RAB38: variants seen among roughly 807,000 people sequenced by gnomAD.
RAB38 encodes the protein RAB38, member RAS oncogene family, also known as ras-related protein Rab-38.
Under a neutral mutation model 18.4 loss-of-function variants are expected in RAB38, and 15 were observed. The ratio of observed to expected loss-of-function variants is 0.82; its 90% CI spans 0.55 to 1.26. RAB38 has a LOEUF of 1.26. Ranked by LOEUF, RAB38 falls within the 50% of genes most tolerant of loss-of-function variation. The pLI is 0.00. For missense variants in RAB38, 294 were observed against 267.4 expected (o/e 1.10, Z -0.69); for synonymous variants, 101 against 104.4 (o/e 0.97, Z 0.20).
At chr11:87,949,899 A>G in the RAB38 span, among the ~76,000 whole-genome samples, 52 of 152,290 alleles carry the variant, frequency 3.4e-4, no homozygotes, top group Admixed American at 3.0e-3. Context: ...GTAGATGTCT[A>G]TTAGGTCTGC....
intron 1 of RAB38, among the ~76,000 whole-genome samples, chr11:88,170,081 A>G (rs1943291341): frequency 6.6e-6 from 1 of 152,122 alleles, no homozygotes; most frequent in African/African-American, 2.4e-5. Flanking sequence ...TTGCTTTTCT[A>G]TCAGAATCAG....
chr11:87,977,567 A>G, the RAB38 span, among the ~76,000 whole-genome samples: 1 of 118,146 alleles, frequency 8.5e-6, no homozygotes, highest in Non-Finnish European at 1.6e-5. Context: ...TATATAATAT[A>G]CTTATGTAAC....
chr11:88,170,034 T>A (rs1943290834), intron 1 of RAB38, among the ~76,000 whole-genome samples: 1 of 152,168 alleles, frequency 6.6e-6, no homozygotes, highest in African/African-American at 2.4e-5. Context: ...CCCCTCCCAC[T>A]CTCAAATGCC....
chr11:87,806,793 A>G, the RAB38 span, among the ~76,000 whole-genome samples: 2 of 152,234 alleles, frequency 1.3e-5, no homozygotes, highest in African/African-American at 4.8e-5. Flanking sequence ...TCAAAGATTT[A>G]AAGAGAAAAC....
At chr11:87,962,935 T>C in the RAB38 span, among the ~76,000 whole-genome samples, 9 of 152,192 alleles carry the variant, frequency 5.9e-5, no homozygotes, top group Admixed American at 5.9e-4. Context: ...CAATTATTTG[T>C]TGATTTACAA....
chr11:87,951,846 G>T, the RAB38 span, among the ~76,000 whole-genome samples: 1 of 152,170 alleles, frequency 6.6e-6, no homozygotes, highest in South Asian at 2.1e-4. Flanking sequence ...TCGGGTGTCA[G>T]GGACCCACTT....
chr11:88,027,352 G>A, the RAB38 span, among the ~76,000 whole-genome samples: 1 of 152,160 alleles, frequency 6.6e-6, no homozygotes, highest in African/African-American at 2.4e-5. Flanking sequence ...ATCTCACTAA[G>A]GAGTGCCAGA....
At chr11:87,958,109 T>C in the RAB38 span, among the ~76,000 whole-genome samples, 3 of 152,244 alleles carry the variant, frequency 2.0e-5, no homozygotes, top group South Asian at 4.1e-4. Context: ...CAATATACTG[T>C]ACTCTACTCT....
At chr11:87,924,716 C>T in the RAB38 span, among the ~76,000 whole-genome samples, 1 of 151,914 alleles carries the variant, frequency 6.6e-6, no homozygotes, top group African/African-American at 2.4e-5. Flanking sequence ...TTCCCTTTTA[C>T]AAGTGAGAAA....
chr11:88,027,355 G>A, the RAB38 span, among the ~76,000 whole-genome samples: 1 of 152,150 alleles, frequency 6.6e-6, no homozygotes, highest in Non-Finnish European at 1.5e-5. Context: ...TCACTAAGGA[G>A]TGCCAGACAG....
At chr11:87,809,965 T>C in the RAB38 span, among the ~76,000 whole-genome samples, 2 of 152,128 alleles carry the variant, frequency 1.3e-5, no homozygotes, top group African/African-American at 4.8e-5. Context: ...TTAATTGAAA[T>C]TGCTGTCTGA....
the RAB38 span, among the ~76,000 whole-genome samples, chr11:88,015,255 A>G: frequency 1.1e-4 from 16 of 152,284 alleles, no homozygotes; most frequent in Middle Eastern, 3.4e-3. Context: ...TATGGTTCTC[A>G]AACGTGCTGA....
intron 1 of RAB38, among the ~76,000 whole-genome samples, chr11:88,164,266 G>T (rs1041318396): frequency 1.5e-5 from 2 of 129,680 alleles, no homozygotes; most frequent in South Asian, 5.5e-4. Flanking sequence ...CGGTGGGGGG[G>T]GGTGCCATGG....
At chr11:87,929,050 G>A in the RAB38 span, among the ~76,000 whole-genome samples, 1 of 152,190 alleles carries the variant, frequency 6.6e-6, no homozygotes, top group South Asian at 2.1e-4. Flanking sequence ...AGGAAGTAGA[G>A]GTGGCAGTGA....
the RAB38 span, among the ~76,000 whole-genome samples, chr11:87,814,184 A>G: frequency 0.15 from 23,479 of 152,136 alleles, 2,271 homozygotes; most frequent in African/African-American, 0.25. Flanking sequence ...ATGATTTCAC[A>G]GAGAATGGTA....
the RAB38 span, among the ~76,000 whole-genome samples, chr11:87,906,135 G>C: frequency 1.3e-5 from 2 of 151,856 alleles, no homozygotes; most frequent in African/African-American, 2.4e-5. Flanking sequence ...TAGTTTTATA[G>C]TTATTTATAA....
At chr11:87,910,144 A>G in the RAB38 span, among the ~76,000 whole-genome samples, 1 of 151,610 alleles carries the variant, frequency 6.6e-6, no homozygotes, top group African/African-American at 2.4e-5. Flanking sequence ...TTCAATGTTA[A>G]TTTTTCTACT....
At chr11:88,105,686 A>G in the RAB38 span, among the ~76,000 whole-genome samples, 1 of 152,090 alleles carries the variant, frequency 6.6e-6, no homozygotes, top group Non-Finnish European at 1.5e-5. Context: ...AAAGAATTGG[A>G]AAAAAGGCAC....
chr11:87,925,396 T>TGTTAGG, the RAB38 span, among the ~76,000 whole-genome samples: 47 of 152,142 alleles, frequency 3.1e-4, no homozygotes, highest in Non-Finnish European at 5.4e-4. Flanking sequence ...TAAGCATCTG[T>TGTTAGG]GTTAGGGTTA....
Sources: allele counts gnomAD v4.1 joint callset (sites outside exome capture counted in the v4.1 genomes callset), GRCh38; gene constraint gnomAD v4.1.1; transcripts MANE v1.5; gene names NCBI Gene and HGNC (gene_info 2026-07-23, HGNC 2026-07-21).